SSH2: variants seen among roughly 807,000 people sequenced by gnomAD.
The protein encoded by SSH2 is protein phosphatase Slingshot homolog 2.
SSH2 carries 37 observed loss-of-function variants against 135.2 expected under a neutral mutation model. That is an observed-to-expected ratio of 0.27 (90% confidence interval 0.21 to 0.36). SSH2 has a LOEUF of 0.36. Ranked by LOEUF, SSH2 falls within the 10% of genes least tolerant of loss-of-function variation. The pLI is 1.00. For missense variants in SSH2, 1,408 were observed against 1,765.3 expected, an observed-to-expected ratio of 0.80 and a Z score of 3.63; for synonymous variants, 628 against 646.2, an observed-to-expected ratio of 0.97 and a Z score of 0.43.
At position 29,648,045 on chromosome 17, in the gene SSH2, A is replaced by G. The variant is rs1318078453; in HGVS notation, c.1427+99T>C. 4 of 1,123,792 alleles carry G rather than the reference A, an allele frequency of 3.6e-6. No individual in the cohort carries two copies. The African/African-American group carries it at 6.2e-5, about 18-fold the overall frequency. 69.6% of individuals were successfully genotyped at this position (1,123,792 alleles called of 1,614,324 possible). ...AATAAGTCTTTTTTGAAAAAATATCACATCCAAATCAGCTTGAGAAGTAGC... is the reference window on the plus strand; with the variant it reads ...AATAAGTCTTTTTTGAAAAAATATCGCATCCAAATCAGCTTGAGAAGTAGC... On this transcript the variant is annotated intron_variant, in intron 14 of 15. Transcript: ENST00000540801.
chr17:29,757,189 TACTC>T (rs2041155994), intron 3 of SSH2, among the ~76,000 whole-genome samples: 1 of 152,222 alleles, frequency 6.6e-6, no homozygotes, highest in Admixed American at 6.5e-5. Flanking sequence ...CACAGGGAAA[TACTC>T]ACAGCACTTG....
chr17:29,728,280 G>A (rs1048029069), intron 3 of SSH2, among the ~76,000 whole-genome samples: 58 of 152,186 alleles, frequency 3.8e-4, no homozygotes, highest in African/African-American at 1.3e-3. Context: ...ATCTGAAAAC[G>A]AAATTTAAGA....
chr17:29,697,077 C>A (rs747314018), intron 4 of SSH2, among the ~76,000 whole-genome samples: 63 of 152,300 alleles, frequency 4.1e-4, no homozygotes, highest in Middle Eastern at 3.4e-3. Flanking sequence ...TTATTTGAAT[C>A]TTCACTTGTT....
chr17:29,776,573 T>C (rs757964712), intron 3 of SSH2: 1 of 152,248 alleles, frequency 6.6e-6, no homozygotes, highest in Non-Finnish European at 1.5e-5. Flanking sequence ...CTTTGTAAAG[T>C]TGACTTCAGA....
At chr17:29,670,735 C>T (rs1460074975) in intron 9 of SSH2, among the ~76,000 whole-genome samples, 5 of 152,130 alleles carry the variant, frequency 3.3e-5, no homozygotes, top group Non-Finnish European at 7.4e-5. Context: ...GATCATGCCA[C>T]GGCATTCCAG....
chr17:29,838,381 G>A (rs1008140865), intron 2 of SSH2, among the ~76,000 whole-genome samples: 1 of 152,230 alleles, frequency 6.6e-6, no homozygotes, highest in Non-Finnish European at 1.5e-5. Context: ...ATGGAAGCAG[G>A]AAGCAGGCAG....
intron 3 of SSH2, among the ~76,000 whole-genome samples, chr17:29,733,729 T>C (rs1339395706): frequency 6.6e-6 from 1 of 152,180 alleles, no homozygotes; most frequent in Non-Finnish European, 1.5e-5. Context: ...CATAGCTCAA[T>C]ACTTTAAAAA....
intron 11 of SSH2, among the ~76,000 whole-genome samples, chr17:29,660,457 G>A (rs954699987): frequency 1.3e-5 from 2 of 150,838 alleles, no homozygotes; most frequent in Non-Finnish European, 3.0e-5. Flanking sequence ...AGTAGAGATG[G>A]AGTTTCACCA....
intron 1 of SSH2, among the ~76,000 whole-genome samples, chr17:29,881,909 C>T (rs942311533): frequency 6.6e-6 from 1 of 152,098 alleles, no homozygotes; most frequent in African/African-American, 2.4e-5. Flanking sequence ...AAAATGAACT[C>T]AAACTTTTAC....
chr17:29,918,520 G>A lies in SSH2; in HGVS notation c.63+11418C>T, dbSNP rs2066920955. 1.3e-5 allele frequency among the ~76,000 whole-genome samples: 2 copies of A among 152,170 alleles called. 1 individual carries two copies. The highest frequency in any genetic ancestry group is 4.1e-4 in the South Asian group (2 of 4,826). ...AGGGTGCAGATGTTAAAATTCAGAA[G>A]AAATTATCTTTACTTCTCCAGCCTT... is the stretch of plus-strand genomic sequence containing the variant. On this transcript the variant is annotated intron_variant, in intron 1 of 15. Transcript: ENST00000540801.
At chr17:29,648,427 G>T in intron 13 of SSH2, 83 bp from the exon 14 acceptor site, 1 of 1,157,954 alleles carries the variant, frequency 8.6e-7, no homozygotes, top group Non-Finnish European at 1.2e-6. Context: ...ATTTTTCCAA[G>T]TGTCCTGTCC....
In SSH2 at chr17:29,632,793, G is replaced by A. The variant is rs2035742724; in HGVS notation, c.2401C>T (p.Pro801Ser). The A allele has an allele frequency of 5.0e-6, 8 of 1,614,040 alleles. No homozygotes were observed. Among genetic ancestry groups the A allele is most frequent in the Admixed American group, 3.3e-5 (2 of 60,006 alleles). The change falls in exon 16 of 16, where the codon CCC becomes TCC. Residue 801 changes from proline (P) to serine (S), a missense_variant. Physicochemically the swap from Pro to Ser is moderately conservative, Grantham distance 74. Around this residue, in one of 3 missense-constraint regions of SSH2, gnomAD observed 1,080 missense variants for 1,144.5 expected, o/e 0.94. Coordinates refer to ENST00000540801, the MANE Select transcript of SSH2 (RefSeq NM_001282129.2). ...TTCTTTGGTGTATGGCATGGGTTGG[G>A]TAAGATGTCTCCTTTCAGTTGAATC... is the stretch of plus-strand genomic sequence containing the variant. ...GQIQLKGDILPNPCHTPKKNS... is the reference protein window; with the variant it reads ...GQIQLKGDILSNPCHTPKKNS...
chr17:29,658,152 C>T (rs913002957), intron 11 of SSH2, among the ~76,000 whole-genome samples: 1 of 149,262 alleles, frequency 6.7e-6, no homozygotes, highest in African/African-American at 2.5e-5. Flanking sequence ...TACAGGTGCG[C>T]ACCACCACAC....
At chr17:29,903,676 T>G (rs2066602003) in intron 1 of SSH2, among the ~76,000 whole-genome samples, 3 of 152,214 alleles carry the variant, frequency 2.0e-5, no homozygotes, top group Admixed American at 1.3e-4. Context: ...CAGGAACTGA[T>G]TATTTCGCTC....
chr17:29,909,179 A>G (rs1199971733), intron 1 of SSH2, among the ~76,000 whole-genome samples: 1 of 152,250 alleles, frequency 6.6e-6, no homozygotes, highest in Non-Finnish European at 1.5e-5. Context: ...AAGTTTTAAC[A>G]TGACTTCTCT....
chr17:29,738,393 T>C (rs2040440193), intron 3 of SSH2, among the ~76,000 whole-genome samples: 1 of 152,316 alleles, frequency 6.6e-6, no homozygotes, highest in South Asian at 2.1e-4. Context: ...AACATACGTG[T>C]GCATGTGTCT....
chr17:29,628,108 C>A lies in SSH2; in HGVS notation c.*2733G>T, dbSNP rs1471493235. On this transcript the variant is annotated 3_prime_UTR_variant, in exon 16 of 16. Coordinates refer to ENST00000540801, the MANE Select transcript of SSH2 (RefSeq NM_001282129.2). The stretch of plus-strand genomic sequence containing the variant: ...CTGAAGAGAAGACAGTCTGGAAAGT[C>A]CTTGACAGTTCACTGCGCACCTCCC... The A allele has an allele frequency of 2.0e-5, 3 of 152,084 alleles. No homozygotes were observed. The highest frequency in any genetic ancestry group is 4.4e-5 in the Non-Finnish European group (3 of 68,032). 9.4% of individuals were successfully genotyped at this position (152,084 alleles called of 1,614,324 possible). A position where few individuals can be genotyped will look rare whatever the true frequency, so the allele number is the denominator to read the frequency against.
chr17:29,823,196 G>C lies in SSH2; in HGVS notation c.144+25653C>G, dbSNP rs1376048510. 2.0e-5 allele frequency among the ~76,000 whole-genome samples: 3 copies of C among 152,136 alleles called. No individual in the cohort carries two copies. In the East Asian group the frequency reaches 5.8e-4, roughly 29 times the overall value. On this transcript the variant is annotated intron_variant, in intron 2 of 15. Coordinates refer to ENST00000540801, the MANE Select transcript of SSH2 (RefSeq NM_001282129.2). ...TTGCTTTAATCAGAGATGTCTTTGA[G>C]GAGTTTCATGTAATATATTCAAATA...
At chr17:29,861,766 C>T (rs768825637) in intron 1 of SSH2, among the ~76,000 whole-genome samples, 1 of 152,144 alleles carries the variant, frequency 6.6e-6, no homozygotes, top group Non-Finnish European at 1.5e-5. Context: ...ACTATGTTAG[C>T]CAGGCTGGTC....
Sources: gnomAD v4.1 joint callset for allele counts (sites outside exome capture counted in the v4.1 genomes callset) on GRCh38, gnomAD v4.1.1 for gene constraint, gnomAD v4.1.1 regional missense constraint, MANE v1.5 for transcripts, NCBI Gene and HGNC (gene_info 2026-07-23, HGNC 2026-07-21) for gene names.